GRIA4: variants seen among roughly 807,000 people sequenced by gnomAD.
The protein encoded by GRIA4 is glutamate receptor 4.
In GRIA4, 34 loss-of-function variants were observed where a neutral mutation model predicts 104.0. That is an observed-to-expected ratio of 0.33 (90% CI 0.25 to 0.44). GRIA4 has a LOEUF of 0.44. Ranked by LOEUF, GRIA4 falls within the 20% of genes least tolerant of loss-of-function variation. GRIA4 has a pLI of 1.00. For synonymous variants in GRIA4, 386 were observed against 381.9 expected (o/e 1.01, Z -0.13); for missense variants, 750 against 1,096.5 (o/e 0.68, Z 4.46).
intron 4 of GRIA4, among the ~76,000 whole-genome samples, chr11:105,818,675 ATCT>A (rs1414673452): frequency 3.9e-5 from 6 of 152,266 alleles, no homozygotes; most frequent in African/African-American, 1.4e-4. Flanking sequence ...ACATACTGAC[ATCT>A]TCCCTTCCTG....
At chr11:105,739,314 T>C (rs887480464) in intron 3 of GRIA4, among the ~76,000 whole-genome samples, 1 of 152,152 alleles carries the variant, frequency 6.6e-6, no homozygotes, top group African/African-American at 2.4e-5. Context: ...TTAGTTTAAT[T>C]TAGAATTGAA....
chr11:105,930,031 C>T (rs1006086632), intron 13 of GRIA4, among the ~76,000 whole-genome samples: 2 of 152,216 alleles, frequency 1.3e-5, no homozygotes, highest in Middle Eastern at 3.4e-3. Flanking sequence ...TAAACAGACA[C>T]TACAGTTGAA....
At chr11:105,828,165 C>G (rs1943844460) in intron 4 of GRIA4, among the ~76,000 whole-genome samples, 1 of 151,962 alleles carries the variant, frequency 6.6e-6, no homozygotes, top group Non-Finnish European at 1.5e-5. Flanking sequence ...TGAAGGGGAA[C>G]AGCTCTGGAT....
intron 5 of GRIA4, among the ~76,000 whole-genome samples, chr11:105,871,420 A>G (rs1447829815): frequency 6.6e-6 from 1 of 151,612 alleles, no homozygotes; most frequent in East Asian, 1.9e-4. Flanking sequence ...AAATAGGTCA[A>G]TCTAGTTTAT....
At chr11:105,759,875 A>G (rs1404398371) in intron 4 of GRIA4, among the ~76,000 whole-genome samples, 1 of 152,110 alleles carries the variant, frequency 6.6e-6, no homozygotes, top group Non-Finnish European at 1.5e-5. Context: ...TATTTGTTTA[A>G]TTATGTCTTC....
In GRIA4 at chr11:105,883,276, C is replaced by CTT. The variant is rs57069838; in HGVS notation, c.673-4229_673-4228dup. Among the ~76,000 whole-genome samples the CTT allele has an allele frequency of 6.2e-4, 85 of 138,140 alleles. 1 individual carries two copies. In the South Asian group the frequency reaches 7.8e-3, roughly 13 times the overall value. 90.6% of individuals were successfully genotyped at this position (138,140 alleles called of 152,430 possible). On this transcript the variant is annotated intron_variant, in intron 5 of 16. Transcript: ENST00000282499. Reference sequence around the variant, plus strand: ...TATTTTTAGTCTAGTTGCACCGTTTCTTTTTTTTTTTTTTTAATACTTTTA... The same window carrying CTT: ...TATTTTTAGTCTAGTTGCACCGTTTCTTTTTTTTTTTTTTTTTAATACTTTTA...
intron 4 of GRIA4, among the ~76,000 whole-genome samples, chr11:105,860,882 C>T (rs1290665366): frequency 6.6e-6 from 1 of 150,420 alleles, no homozygotes; most frequent in Admixed American, 6.6e-5. Flanking sequence ...TTGCTTGAAC[C>T]CAGGAGGTGG....
intron 10 of GRIA4, among the ~76,000 whole-genome samples, chr11:105,916,165 T>C (rs539041619): frequency 1.3e-5 from 2 of 152,262 alleles, no homozygotes; most frequent in South Asian, 2.1e-4. Context: ...GCCTGGGTGA[T>C]AGAGCACAGC....
At position 105,792,962 on chromosome 11, in the gene GRIA4, T is replaced by C. The variant is rs149948497; in HGVS notation, c.487+39742T>C. ...TACTATATACTCAGAAATTGAATTA[T>C]TGAGATGTTCAACAATACACTCAAA... is the stretch of plus-strand genomic sequence containing the variant. On this transcript the variant is annotated intron_variant, in intron 4 of 16. Coordinates refer to ENST00000282499, the MANE Select transcript of GRIA4 (RefSeq NM_000829.4). Among the ~76,000 whole-genome samples the C allele has an allele frequency of 7.9e-5, 12 of 152,258 alleles. No homozygotes were observed. In the East Asian group the frequency reaches 2.3e-3, roughly 29 times the overall value.
At chr11:105,832,315 C>T (rs1322948274) in intron 4 of GRIA4, among the ~76,000 whole-genome samples, 2 of 151,676 alleles carry the variant, frequency 1.3e-5, no homozygotes, top group African/African-American at 4.8e-5. Context: ...CTATTACTGT[C>T]TTTACACAAG....
intron 4 of GRIA4, among the ~76,000 whole-genome samples, chr11:105,786,399 A>C (rs1941970634): frequency 6.6e-6 from 1 of 152,116 alleles, no homozygotes; most frequent in African/African-American, 2.4e-5. Context: ...TCAGTGTACT[A>C]TTGATTTGTG....
intron 2 of GRIA4, 104 bp from the exon 3 acceptor site, chr11:105,612,172 A>G (rs878875497): frequency 3.4e-5 from 33 of 983,532 alleles, no homozygotes; most frequent in Non-Finnish European, 4.6e-5. Flanking sequence ...ATAGCTCTTT[A>G]ATTGTATGTG....
intron 4 of GRIA4, among the ~76,000 whole-genome samples, chr11:105,813,062 C>T (rs973271298): frequency 2.1e-5 from 3 of 140,716 alleles, no homozygotes; most frequent in African/African-American, 8.2e-5. Context: ...CCACTGCACT[C>T]CAGCCTGGGC....
intron 3 of GRIA4, among the ~76,000 whole-genome samples, chr11:105,679,335 A>G (rs1952638038): frequency 6.6e-6 from 1 of 152,136 alleles, no homozygotes; most frequent in African/African-American, 2.4e-5. Context: ...TAGCCAGAAT[A>G]ATATTTGACC....
At chr11:105,647,515 CACA>C (rs1375741359) in intron 3 of GRIA4, among the ~76,000 whole-genome samples, 3 of 152,088 alleles carry the variant, frequency 2.0e-5, no homozygotes, top group African/African-American at 7.2e-5. Flanking sequence ...AAGCACTATT[CACA>C]ACAGCAAAGA....
chr11:105,903,068 C>T (rs1226049922), intron 7 of GRIA4, among the ~76,000 whole-genome samples: 2 of 152,104 alleles, frequency 1.3e-5, no homozygotes, highest in East Asian at 1.9e-4. Context: ...GGGGGGAGCT[C>T]ACTCTTTTCT....
intron 3 of GRIA4, among the ~76,000 whole-genome samples, chr11:105,649,655 C>CT (rs2135378589): frequency 6.6e-6 from 1 of 152,136 alleles, no homozygotes; most frequent in African/African-American, 2.4e-5. Flanking sequence ...AAAAGTCAAA[C>CT]TTTATGAGAT....
chr11:105,808,713 C>T (rs115845061), intron 4 of GRIA4, among the ~76,000 whole-genome samples: 2,871 of 152,084 alleles, frequency 0.019, 80 homozygotes, highest in African/African-American at 0.065. Flanking sequence ...CATGGCTAAC[C>T]TGTCTCACAA....
In GRIA4 at chr11:105,859,978, G is replaced by A. The variant is rs529223342; in HGVS notation, c.488-2046G>A. 2.6e-5 allele frequency among the ~76,000 whole-genome samples: 4 copies of A among 152,172 alleles called. No homozygotes were observed. The South Asian group carries it at 8.3e-4, about 32-fold the overall frequency. ...CATGTCATCACGTTACATATGTGTC[G>A]AATGGGAAACAAGAGAAAGAATGCT... On this transcript the variant is annotated intron_variant, in intron 4 of 16. Coordinates refer to ENST00000282499, the MANE Select transcript of GRIA4 (RefSeq NM_000829.4).
Sources: gnomAD v4.1 joint callset for allele counts (sites outside exome capture counted in the v4.1 genomes callset) on GRCh38, gnomAD v4.1.1 for gene constraint, MANE v1.5 for transcripts, NCBI Gene and HGNC (gene_info 2026-07-23, HGNC 2026-07-21) for gene names.